The following FAM200B variants were observed in gnomAD, a reference collection of about 807,000 sequenced individuals.
FAM200B encodes the protein zinc finger BED-type containing 11.
In FAM200B, 32 loss-of-function variants were observed where a neutral mutation model predicts 33.1. The ratio of observed to expected loss-of-function variants is 0.97; its 90% CI spans 0.73 to 1.30. The LOEUF is 1.30. Ranked by LOEUF, FAM200B falls within the 50% of genes most tolerant of loss-of-function variation. The probability of loss-of-function intolerance (pLI) is 0.00; values close to 1 mark genes in which losing one functional copy is unlikely to be tolerated. For missense variants in FAM200B, 741 were observed against 754.0 expected, an observed-to-expected ratio of 0.98 and a Z score of 0.20; for synonymous variants, 240 against 264.8, an observed-to-expected ratio of 0.91 and a Z score of 0.91.
At chr4:15,685,354 T>G (rs1451062515) in intron 1 of FAM200B, among the ~76,000 whole-genome samples, 1 of 152,030 alleles carries the variant, frequency 6.6e-6, no homozygotes. Flanking sequence ...AGGAAAGCCT[T>G]TATTTGGTTT....
chr4:15,644,459 T>C, the FAM200B span: 3 of 1,550,422 alleles, frequency 1.9e-6, no homozygotes, highest in Non-Finnish European at 2.6e-6. Context: ...ATGGCACAAG[T>C]TTTGACAGTT....
chr4:15,648,097 T>C, the FAM200B span, among the ~76,000 whole-genome samples: 3 of 152,322 alleles, frequency 2.0e-5, no homozygotes, highest in Non-Finnish European at 4.4e-5. Context: ...CTTCAAGCGA[T>C]CCTCCTGACT....
the FAM200B span, among the ~76,000 whole-genome samples, chr4:15,653,900 C>T: frequency 6.6e-6 from 1 of 152,180 alleles, no homozygotes; most frequent in East Asian, 1.9e-4. Flanking sequence ...ACCTAGACAT[C>T]AGGACTTCTA....
At chr4:15,674,870 C>T in the FAM200B span, among the ~76,000 whole-genome samples, 2 of 152,136 alleles carry the variant, frequency 1.3e-5, no homozygotes, top group Admixed American at 6.5e-5. Context: ...AGGATGGTCT[C>T]GATCTCCTGA....
At chr4:15,668,215 G>T in the FAM200B span, among the ~76,000 whole-genome samples, 1 of 150,364 alleles carries the variant, frequency 6.7e-6, no homozygotes, top group African/African-American at 2.5e-5. Context: ...AGTTGTAAAT[G>T]GTCAGTTCAT....
chr4:15,687,071 A>G lies in FAM200B; in HGVS notation c.94A>G (p.Ser32Gly), dbSNP rs1228466004. ...ATCTGTTGAATCTGGAATTGTGAAT[A>G]GTGACAATATTGAGAAAAATACTGA... The part of the protein sequence containing the change: ...SSSVESGIVN[S>G]DNIEKNTDSN... Residue 32 changes from serine to glycine, a missense_variant, in exon 2 of 2, where the codon AGT becomes GGT. By Grantham distance (56) the Ser-to-Gly change is moderately conservative (BLOSUM62 0). Coordinates refer to ENST00000422728, the MANE Select transcript of FAM200B (RefSeq NM_001145191.2). 1.9e-6 allele frequency: 3 copies of G among 1,543,238 alleles called. No individual in the cohort carries two copies. Among genetic ancestry groups the G allele is most frequent in the Non-Finnish European group, 2.6e-6 (3 of 1,141,608 alleles).
chr4:15,657,349 AG>A, the FAM200B span, among the ~76,000 whole-genome samples: 2 of 152,250 alleles, frequency 1.3e-5, no homozygotes, highest in Non-Finnish European at 2.9e-5. Context: ...GTTGGAAAAA[AG>A]AATGAGGGTA....
rs777264973 is a variant in FAM200B at position 15,688,043 on chromosome 4, A to G, written c.1066A>G (p.Ile356Val). ...LKNAVKVVNF[I>V]KGSSLNSRLL... Reference sequence around the variant, plus strand: ...AAATGCAGTGAAAGTTGTTAATTTTATTAAAGGAAGCTCATTGAATAGCCG... The same window carrying G: ...AAATGCAGTGAAAGTTGTTAATTTTGTTAAAGGAAGCTCATTGAATAGCCG... Residue 356 changes from isoleucine (I) to valine (V), a missense_variant, in exon 2 of 2, where the codon ATT becomes GTT. Transcript: ENST00000422728. 6.4e-6 allele frequency: 10 copies of G among 1,551,038 alleles called. No individual in the cohort carries two copies. The highest frequency in any genetic ancestry group is 7.8e-6 in the Non-Finnish European group (9 of 1,146,706).
chr4:15,654,782 G>A, the FAM200B span, among the ~76,000 whole-genome samples: 1 of 152,192 alleles, frequency 6.6e-6, no homozygotes, highest in African/African-American at 2.4e-5. Context: ...ACGGGGGACG[G>A]GAACAACTAC....
chr4:15,673,794 CA>C, the FAM200B span, among the ~76,000 whole-genome samples: 1 of 152,262 alleles, frequency 6.6e-6, no homozygotes, highest in South Asian at 2.1e-4. Context: ...CTGGTTTCAC[CA>C]GGCTCCAGGC....
intron 1 of FAM200B, among the ~76,000 whole-genome samples, chr4:15,685,220 TGAA>T (rs1718723489): frequency 6.6e-6 from 1 of 152,124 alleles, no homozygotes; most frequent in Non-Finnish European, 1.5e-5. Context: ...ATGATTGTCA[TGAA>T]AGAAGAAATT....
chr4:15,678,362 C>T (rs1037505138), upstream of FAM200B, among the ~76,000 whole-genome samples: 1 of 152,182 alleles, frequency 6.6e-6, no homozygotes, highest in African/African-American at 2.4e-5. Context: ...ACATCAAAAA[C>T]TTCATTGCTG....
the FAM200B span, among the ~76,000 whole-genome samples, chr4:15,650,165 T>C: frequency 1.3e-5 from 2 of 152,314 alleles, no homozygotes; most frequent in South Asian, 4.1e-4. Context: ...AACCCAGGGA[T>C]GTGGCTAAAC....
the FAM200B span, among the ~76,000 whole-genome samples, chr4:15,651,984 T>G: frequency 6.6e-6 from 1 of 152,212 alleles, no homozygotes; most frequent in Admixed American, 6.5e-5. Flanking sequence ...ATTTCCATCC[T>G]AGCATAGATG....
chr4:15,657,497 G>GC, the FAM200B span, among the ~76,000 whole-genome samples: 1 of 152,114 alleles, frequency 6.6e-6, no homozygotes, highest in African/African-American at 2.4e-5. Flanking sequence ...AAGGTATTTG[G>GC]CAACAACAAC....
At chr4:15,662,076 A>T in the FAM200B span, among the ~76,000 whole-genome samples, 1 of 152,356 alleles carries the variant, frequency 6.6e-6, no homozygotes, top group Non-Finnish European at 1.5e-5. Context: ...ACATAATCTC[A>T]GAAGAGACAT....
rs1719263576 is a variant in FAM200B, at chr4:15,690,151, A to G, written c.*1200A>G. The G allele has an allele frequency of 6.0e-6, 1 of 167,132 alleles. No individual in the cohort carries two copies. Among genetic ancestry groups the G allele is most frequent in the African/African-American group, 2.4e-5 (1 of 41,474 alleles). 10.4% of individuals were successfully genotyped at this position (167,132 alleles called of 1,614,324 possible). A position where few individuals can be genotyped will look rare whatever the true frequency, so the allele number is the denominator to read the frequency against. Reference sequence around the variant, plus strand: ...ATCTAATTTTGACATAACTGCTGTAACCATCCAGAAACGGCATTGATGTTG... The same window carrying G: ...ATCTAATTTTGACATAACTGCTGTAGCCATCCAGAAACGGCATTGATGTTG... On this transcript the variant is annotated 3_prime_UTR_variant, in exon 2 of 2. Coordinates refer to ENST00000422728, the MANE Select transcript of FAM200B (RefSeq NM_001145191.2).
the FAM200B span, among the ~76,000 whole-genome samples, chr4:15,676,445 CA>C: frequency 6.7e-6 from 1 of 149,952 alleles, no homozygotes; most frequent in Non-Finnish European, 1.5e-5. Context: ...ATGTCAACAA[CA>C]AAAAAAAGGG....
At chr4:15,641,802 G>A in the FAM200B span, among the ~76,000 whole-genome samples, 2 of 152,148 alleles carry the variant, frequency 1.3e-5, no homozygotes, top group East Asian at 1.9e-4. Flanking sequence ...AGAGGCAGGC[G>A]GATCACCTGA....
Sources: gnomAD v4.1 joint callset for allele counts (sites outside exome capture counted in the v4.1 genomes callset) on GRCh38, gnomAD v4.1.1 for gene constraint, MANE v1.5 for transcripts, NCBI Gene and HGNC (gene_info 2026-07-23, HGNC 2026-07-21) for gene names.